The following SEMA3F variants were observed in gnomAD, a reference collection of about 807,000 sequenced individuals.
SEMA3F encodes the protein semaphorin 3F, also known as semaphorin-3F.
In SEMA3F, 30 loss-of-function variants were observed where a neutral mutation model predicts 98.5. The ratio of observed to expected loss-of-function variants is 0.30; its 90% CI spans 0.23 to 0.41. The LOEUF (loss-of-function observed/expected upper bound fraction) is 0.41, where lower values mean the gene tolerates loss of function less well. Ranked by LOEUF, SEMA3F falls within the 10% of genes least tolerant of loss-of-function variation. SEMA3F has a pLI of 1.00. For missense variants in SEMA3F, 866 were observed against 1,119.3 expected (o/e 0.77, Z 3.23); for synonymous variants, 380 against 444.8 (o/e 0.85, Z 1.83).
intron 15 of SEMA3F, 55 bp downstream of exon 15, chr3:50,185,762 G>A: frequency 1.2e-6 from 2 of 1,610,212 alleles, no homozygotes; most frequent in African/African-American, 1.3e-5. Flanking sequence ...ATCCCCTCAG[G>A]GTCATGCCCT....
chr3:50,165,213 G>A (rs1698358080), intron 2 of SEMA3F, among the ~76,000 whole-genome samples: 1 of 152,180 alleles, frequency 6.6e-6, no homozygotes, highest in East Asian at 1.9e-4. Context: ...GGGAAGAGCT[G>A]GAGCACAGGG....
intron 2 of SEMA3F, among the ~76,000 whole-genome samples, chr3:50,162,647 A>G (rs962792796): frequency 7.2e-5 from 11 of 152,180 alleles, no homozygotes; most frequent in Non-Finnish European, 1.5e-4. Flanking sequence ...CCTCCGTGGC[A>G]GCAGCAGGGA....
At position 50,184,759 on chromosome 3, in the gene SEMA3F, C is replaced by T. The variant is rs139236502; in HGVS notation, c.1401C>T (p.Ala467=). The T allele has an allele frequency of 1.2e-5, 20 of 1,614,024 alleles. No individual in the cohort carries two copies. In the South Asian group the frequency reaches 1.5e-4, roughly 12 times the overall value. Residue 467 remains alanine, a synonymous_variant, in exon 13 of 19, where the codon GCC becomes GCT. Transcript: ENST00000002829. The part of the protein sequence containing the change: ...TGAPYRLTTI[A]VDQVDAADGR... Reference sequence around the variant, plus strand: ...CTCCCTACCGCCTTACCACTATTGCCGTGGACCAGGTGGATGCAGCCGACG... The same window carrying T: ...CTCCCTACCGCCTTACCACTATTGCTGTGGACCAGGTGGATGCAGCCGACG...
In SEMA3F at chr3:50,182,894, C is replaced by T. The variant is rs775226161; in HGVS notation, c.904-10C>T. ...GCTGATCTGACCCGGCCTCTTGCCCCACCCCCCAGAACGATGACGGTGGTC... is the reference window on the plus strand; with the variant it reads ...GCTGATCTGACCCGGCCTCTTGCCCTACCCCCCAGAACGATGACGGTGGTC... On this transcript the variant is annotated splice_polypyrimidine_tract_variant and intron_variant, in intron 9 of 18. Coordinates refer to ENST00000002829, the MANE Select transcript of SEMA3F (RefSeq NM_004186.5). The surrounding 1 kb of genome is among the most constrained non-coding windows in gnomAD (Gnocchi z 4.5). The T allele has an allele frequency of 3.1e-6, 5 of 1,613,292 alleles. No homozygotes were observed. The Admixed American group carries it at 6.7e-5, about 22-fold the overall frequency.
At chr3:50,173,483 A>G in intron 2 of SEMA3F, 1 of 338,838 alleles carries the variant, frequency 3.0e-6, no homozygotes, top group South Asian at 3.8e-5. Context: ...AAAAACAAAC[A>G]AACAAAAAAT....
intron 13 of SEMA3F, 72 bp downstream of exon 13, chr3:50,184,886 G>A: frequency 8.5e-7 from 1 of 1,176,126 alleles, no homozygotes; most frequent in South Asian, 1.3e-5. Flanking sequence ...TTGGGGCTGG[G>A]GCTTGCCCTG....
At chr3:50,183,368 G>C in intron 11 of SEMA3F, 52 bp from the exon 12 acceptor site, 3 of 1,607,498 alleles carry the variant, frequency 1.9e-6, no homozygotes, top group Non-Finnish European at 2.6e-6. Context: ...GTTTGGGGAG[G>C]GGCCCTAGGT....
rs1315043804 is a variant in SEMA3F, at chr3:50,188,033, A to G, written c.2276A>G (p.Glu759Gly). 2 of 1,597,264 alleles carry G rather than the reference A, an allele frequency of 1.3e-6. No individual in the cohort carries two copies. The highest frequency in any genetic ancestry group is 3.4e-5 in the Admixed American group (2 of 58,694). ...CGCCATGTGCCCCCCAGCCCCAGGG[A>G]GGCTCCAGGGGCACCCCGGTCTCCT... ...YWRHVPPSPREAPGAPRSPEP... is the reference protein window; with the variant it reads ...YWRHVPPSPRGAPGAPRSPEP... The change falls in exon 19 of 19, where the codon GAG becomes GGG. Residue 759 changes from glutamate (E) to glycine (G), a missense_variant. Transcript: ENST00000002829. This position sits in a 1 kb window ranked among gnomAD's most constrained non-coding sequence, Gnocchi z 4.5.
intron 17 of SEMA3F, 86 bp downstream of exon 17, chr3:50,186,434 G>A (rs1286310611): frequency 8.8e-6 from 13 of 1,468,974 alleles, no homozygotes; most frequent in Non-Finnish European, 1.2e-5. Flanking sequence ...GGCCCCCACT[G>A]TAAGGGTGCT....
chr3:50,178,926 G>A (rs1698918946), intron 7 of SEMA3F, among the ~76,000 whole-genome samples: 1 of 150,144 alleles, frequency 6.7e-6, no homozygotes, highest in African/African-American at 2.5e-5. Context: ...CCGCCTCCCG[G>A]GTTCACGCCA....
rs757826668 is a variant in SEMA3F, at chr3:50,182,609, T to C, written c.764-35T>C. On this transcript the variant is annotated intron_variant, in intron 8 of 18. Transcript: ENST00000002829. This position sits in a 1 kb window ranked among gnomAD's most constrained non-coding sequence, Gnocchi z 4.5. ...GAGAACATCAGGGGCACCATCAGAGTAGGGGCTCACCCAGCTGACCCCTGC... is the reference window on the plus strand; with the variant it reads ...GAGAACATCAGGGGCACCATCAGAGCAGGGGCTCACCCAGCTGACCCCTGC... The C allele has an allele frequency of 1.9e-6, 3 of 1,604,244 alleles. No individual in the cohort carries two copies. Among genetic ancestry groups the C allele is most frequent in the African/African-American group, 2.7e-5 (2 of 74,752 alleles).
rs536111238 is a variant in SEMA3F at position 50,164,154 on chromosome 3, G to A, written c.112+4420G>A. 1.7e-3 allele frequency among the ~76,000 whole-genome samples: 260 copies of A among 152,338 alleles called. 3 individuals carry two copies. Among genetic ancestry groups the A allele is most frequent in the Non-Finnish European group, 2.9e-3 (194 of 68,020 alleles). ...TTTCAGCTGTGGCCTTCCAGGTCAA[G>A]TGGAGCTTCAGATGGGACCTCCACT... On this transcript the variant is annotated intron_variant, in intron 2 of 18. Coordinates refer to ENST00000002829, the MANE Select transcript of SEMA3F (RefSeq NM_004186.5).
At chr3:50,174,940 CTG>C (rs1698750953) in intron 5 of SEMA3F, among the ~76,000 whole-genome samples, 154 bp from the exon 6 acceptor site, 1 of 151,794 alleles carries the variant, frequency 6.6e-6, no homozygotes, top group South Asian at 2.1e-4. Flanking sequence ...TGTGCCAAGC[CTG>C]TGTGTATGTA....
intron 2 of SEMA3F, among the ~76,000 whole-genome samples, chr3:50,162,790 G>T (rs574431119): frequency 6.6e-6 from 1 of 152,222 alleles, no homozygotes; most frequent in Non-Finnish European, 1.5e-5. Flanking sequence ...ATGTTTGGTG[G>T]GGTAGAAGGA....
At chr3:50,169,972 C>T (rs1698539841) in intron 2 of SEMA3F, among the ~76,000 whole-genome samples, 1 of 152,162 alleles carries the variant, frequency 6.6e-6, no homozygotes. Context: ...GTGAAGGCTC[C>T]CAGTTCCTTT....
At position 50,174,091 on chromosome 3, in the gene SEMA3F, G is replaced by A. The variant is rs146858928; in HGVS notation, c.313G>A (p.Val105Met). ...CTCCCCACAGCGCATCGAGGAATGCGTGCTCTCAGGCAAGGATGTCAACGT... is the reference window on the plus strand; with the variant it reads ...CTCCCCACAGCGCATCGAGGAATGCATGCTCTCAGGCAAGGATGTCAACGT... ...AASPQRIEEC[V>M]LSGKDVNGEC... The change falls in exon 4 of 19, where the codon GTG (valine) becomes ATG (methionine). Residue 105 changes from valine (V) to methionine (M), a missense_variant. By Grantham distance (21) the Val-to-Met change is conservative. Around this residue, in one of 3 missense-constraint regions of SEMA3F, gnomAD observed 247 missense variants for 276.0 expected, o/e 0.89. Transcript: ENST00000002829. The A allele has an allele frequency of 9.3e-6, 15 of 1,614,012 alleles. No homozygotes were observed. The highest frequency in any genetic ancestry group is 8.3e-5 in the Admixed American group (5 of 60,012).
intron 2 of SEMA3F, among the ~76,000 whole-genome samples, chr3:50,165,908 G>A (rs1027177324): frequency 2.0e-5 from 3 of 152,184 alleles, no homozygotes; most frequent in African/African-American, 7.2e-5. Context: ...AGGATTGGGG[G>A]GCTAGCCTGT....
chr3:50,159,853 A>C, intron 2 of SEMA3F, 119 bp downstream of exon 2: 1 of 714,070 alleles, frequency 1.4e-6, no homozygotes, highest in East Asian at 2.9e-5. Context: ...GTACAGCCAC[A>C]TAGGTTGTGG....
Position 50,174,110 on chromosome 3 carries a change from T to A in SEMA3F, c.332T>A (p.Val111Asp). ...GAATGCGTGCTCTCAGGCAAGGATG[T>A]CAACGTGAGTTTGGTGGGATCCACA... ...IEECVLSGKD[V>D]NGECGNFVRL... Residue 111 changes from valine to aspartate, a missense_variant, in exon 4 of 19, where the codon GTC becomes GAC. By Grantham distance (152) the Val-to-Asp change is radical (BLOSUM62 -3). This residue lies in a region of SEMA3F where 247 missense variants were observed against 276.0 expected (regional missense o/e 0.89). Transcript: ENST00000002829. The A allele has an allele frequency of 6.2e-7, 1 of 1,614,094 alleles. No homozygotes were observed. Among genetic ancestry groups the A allele is most frequent in the Admixed American group, 1.7e-5 (1 of 60,024 alleles).
Sources: allele counts gnomAD v4.1 joint callset (sites outside exome capture counted in the v4.1 genomes callset), GRCh38; gene constraint gnomAD v4.1.1; regional missense constraint gnomAD v4.1.1; non-coding constraint Gnocchi (gnomAD v3.1); transcripts MANE v1.5; gene names NCBI Gene and HGNC (gene_info 2026-07-23, HGNC 2026-07-21).